ULK4: variants seen among roughly 807,000 people sequenced by gnomAD.
ULK4 encodes unc-51 like kinase 4, also known as inactive serine/threonine-protein kinase ULK4.
Under a neutral mutation model 160.6 loss-of-function variants are expected in ULK4, and 133 were observed. The observed-to-expected ratio is 0.83, with a 90% CI of 0.72 to 0.96. ULK4 has a LOEUF of 0.96. Among genes scored for constraint, ULK4 ranks in the 40% least tolerant of loss-of-function variants. ULK4 has a pLI of 0.00. For missense variants in ULK4, 1,580 were observed against 1,499.5 expected (o/e 1.05, Z -0.89); for synonymous variants, 534 against 539.8 (o/e 0.99, Z 0.15).
At chr3:41,658,994 G>T (rs1348497743) in intron 30 of ULK4, among the ~76,000 whole-genome samples, 2 of 152,132 alleles carry the variant, frequency 1.3e-5, no homozygotes, top group Non-Finnish European at 2.9e-5. Flanking sequence ...TCTTTATTTT[G>T]ATTGTGATAG....
chr3:41,924,983 A>G (rs1699325343), intron 5 of ULK4, among the ~76,000 whole-genome samples: 1 of 152,240 alleles, frequency 6.6e-6, no homozygotes, highest in African/African-American at 2.4e-5. Context: ...GAAGATCTTT[A>G]CCACTTCCCC....
At chr3:41,957,450 A>AAAAAC (rs935542955) in intron 1 of ULK4, among the ~76,000 whole-genome samples, 1 of 147,450 alleles carries the variant, frequency 6.8e-6, no homozygotes, top group Non-Finnish European at 1.5e-5. Flanking sequence ...GCACCACTCA[A>AAAAAC]AAAAAAAAAA....
chr3:41,640,807 T>A (rs1201458597), intron 30 of ULK4, among the ~76,000 whole-genome samples: 1 of 152,224 alleles, frequency 6.6e-6, no homozygotes, highest in South Asian at 2.1e-4. Context: ...AACTTTTTTT[T>A]AATTGAATTG....
In ULK4 at chr3:41,390,004, A is replaced by G. The variant is rs1026603566; in HGVS notation, c.3678+8075T>C. 6.7e-3 allele frequency among the ~76,000 whole-genome samples: 1,013 copies of G among 151,952 alleles called. 4 individuals are homozygous for G. Among genetic ancestry groups the G allele is most frequent in the East Asian group, 0.015 (77 of 5,144 alleles). ...TCGGCTGGGAATCCATCTGGTCCTG[A>G]ACTCTTTTTGGTTGGTAAGCTATTA... On this transcript the variant is annotated intron_variant, in intron 35 of 36. Coordinates refer to ENST00000301831, the MANE Select transcript of ULK4 (RefSeq NM_017886.4).
chr3:41,700,615 C>T (rs910798006), intron 27 of ULK4, among the ~76,000 whole-genome samples: 1 of 152,272 alleles, frequency 6.6e-6, no homozygotes, highest in South Asian at 2.1e-4. Context: ...GAGGAAGGAA[C>T]ATCCATAGTT....
intron 21 of ULK4, among the ~76,000 whole-genome samples, chr3:41,761,958 C>G (rs1333830871): frequency 6.6e-6 from 1 of 151,974 alleles, no homozygotes; most frequent in African/African-American, 2.4e-5. Context: ...ATGGCACATG[C>G]CTGTAGTCCT....
At chr3:41,394,282 C>T (rs189038810) in intron 35 of ULK4, among the ~76,000 whole-genome samples, 15 of 152,224 alleles carry the variant, frequency 9.9e-5, no homozygotes, top group East Asian at 3.9e-4. Flanking sequence ...AAGAGGAAGA[C>T]GGACTAAATC....
At chr3:41,683,398 C>A (rs372152874) in intron 27 of ULK4, among the ~76,000 whole-genome samples, 3 of 151,830 alleles carry the variant, frequency 2.0e-5, no homozygotes, top group Non-Finnish European at 2.9e-5. Flanking sequence ...GATCACCAGA[C>A]ATGGGGTGCT....
At chr3:41,411,190 T>C (rs1293076787) in intron 34 of ULK4, among the ~76,000 whole-genome samples, 2 of 152,158 alleles carry the variant, frequency 1.3e-5, no homozygotes, top group Non-Finnish European at 2.9e-5. Context: ...ATCTGAATGG[T>C]CTTCATCCTC....
intron 32 of ULK4, among the ~76,000 whole-genome samples, chr3:41,470,018 GAAAAAAAAAAAA>G (rs71094650): frequency 2.0e-4 from 9 of 45,978 alleles, no homozygotes; most frequent in East Asian, 1.8e-3. Context: ...AAACAGAACA[GAAAAAAAAAAAA>G]AAAAAAAAAA....
chr3:41,725,626 C>T (rs531252370), intron 22 of ULK4, among the ~76,000 whole-genome samples: 60 of 152,276 alleles, frequency 3.9e-4, no homozygotes, highest in African/African-American at 1.4e-3. Context: ...ATATTAATCA[C>T]AGTTATTTTA....
At chr3:41,295,185 A>G (rs190464744) in intron 35 of ULK4, among the ~76,000 whole-genome samples, 1 of 136,868 alleles carries the variant, frequency 7.3e-6, no homozygotes, top group East Asian at 1.9e-4. Context: ...AGCAAAGGCA[A>G]AACAATGGAG....
intron 32 of ULK4, among the ~76,000 whole-genome samples, chr3:41,503,587 A>G (rs11712638): frequency 0.42 from 64,383 of 152,122 alleles, 15,100 homozygotes; most frequent in Non-Finnish European, 0.52. Flanking sequence ...GCCAGCTGTC[A>G]GCTCTAGCTC....
intron 34 of ULK4, among the ~76,000 whole-genome samples, chr3:41,441,623 T>C (rs2083172196): frequency 6.6e-6 from 1 of 152,148 alleles, no homozygotes. Flanking sequence ...AAATATGGTA[T>C]ATCTTGGTAA....
At chr3:41,616,765 TG>T (rs1157610326) in intron 30 of ULK4, among the ~76,000 whole-genome samples, 3 of 152,132 alleles carry the variant, frequency 2.0e-5, no homozygotes, top group Admixed American at 6.6e-5. Flanking sequence ...CGGCAGCACC[TG>T]GAACCCCATC....
intron 30 of ULK4, among the ~76,000 whole-genome samples, chr3:41,650,654 C>A (rs906061797): frequency 6.6e-6 from 1 of 152,236 alleles, no homozygotes; most frequent in Non-Finnish European, 1.5e-5. Context: ...GGCATAGGAT[C>A]CAGGCTGATA....
chr3:41,681,921 G>T, intron 27 of ULK4, 117 bp from the exon 28 acceptor site: 1 of 1,039,950 alleles, frequency 9.6e-7, no homozygotes, highest in Non-Finnish European at 1.4e-6. Flanking sequence ...AAAAAGCAAC[G>T]GCTAAGTTTA....
At chr3:41,926,849 T>TA (rs1699404349) in intron 5 of ULK4, among the ~76,000 whole-genome samples, 1 of 151,700 alleles carries the variant, frequency 6.6e-6, no homozygotes, top group Non-Finnish European at 1.5e-5. Context: ...TATGGGACTG[T>TA]CAAAGACCAA....
chr3:41,259,518 T>TA (rs1022532135), intron 35 of ULK4, among the ~76,000 whole-genome samples: 5 of 152,298 alleles, frequency 3.3e-5, no homozygotes, highest in African/African-American at 1.2e-4. Flanking sequence ...GGGACAAATC[T>TA]AAGACTGGTG....
Sources: allele counts gnomAD v4.1 joint callset (sites outside exome capture counted in the v4.1 genomes callset), GRCh38; gene constraint gnomAD v4.1.1; transcripts MANE v1.5; gene names NCBI Gene and HGNC (gene_info 2026-07-23, HGNC 2026-07-21).